The following GPC6 variants were observed in gnomAD, a reference collection of about 807,000 sequenced individuals.
GPC6 encodes the protein glypican-6.
Under a neutral mutation model 55.2 loss-of-function variants are expected in GPC6, and 14 were observed. The ratio of observed to expected loss-of-function variants is 0.25; its 90% CI spans 0.17 to 0.40. The LOEUF (loss-of-function observed/expected upper bound fraction) is 0.40, where lower values mean the gene tolerates loss of function less well. Ranked by LOEUF, GPC6 falls within the 10% of genes least tolerant of loss-of-function variation. GPC6 has a pLI of 1.00. For missense variants in GPC6, 641 were observed against 708.5 expected (o/e 0.90, Z 1.08); for synonymous variants, 278 against 259.6 (o/e 1.07, Z -0.68).
At chr13:93,682,177 G>A (rs1232944797) in intron 2 of GPC6, among the ~76,000 whole-genome samples, 1 of 152,166 alleles carries the variant, frequency 6.6e-6, no homozygotes, top group Admixed American at 6.5e-5. Flanking sequence ...TTCCCAGGAA[G>A]CAGACTTAAG....
intron 4 of GPC6, among the ~76,000 whole-genome samples, chr13:94,202,059 A>G (rs1040188624): frequency 2.0e-5 from 3 of 152,198 alleles, no homozygotes; most frequent in Non-Finnish European, 4.4e-5. Context: ...CTCCCCTGGC[A>G]TTTATGTATT....
chr13:93,773,645 G>A (rs1030139120), intron 2 of GPC6, among the ~76,000 whole-genome samples: 2 of 152,110 alleles, frequency 1.3e-5, no homozygotes, highest in East Asian at 1.9e-4. Context: ...TCTCACCTAC[G>A]TTTCACGGGT....
intron 4 of GPC6, among the ~76,000 whole-genome samples, chr13:94,138,123 A>G (rs1887249527): frequency 6.6e-6 from 1 of 152,336 alleles, no homozygotes; most frequent in South Asian, 2.1e-4. Flanking sequence ...CCAAAATCTG[A>G]AACATTTTGA....
chr13:93,786,780 G>T (rs1212973082), intron 2 of GPC6, among the ~76,000 whole-genome samples: 1 of 152,058 alleles, frequency 6.6e-6, no homozygotes, highest in Non-Finnish European at 1.5e-5. Context: ...ATATGCAGAA[G>T]AAGAAGAGGT....
intron 4 of GPC6, among the ~76,000 whole-genome samples, chr13:94,078,612 C>A (rs1386955089): frequency 1.3e-5 from 2 of 151,792 alleles, no homozygotes; most frequent in Admixed American, 6.6e-5. Context: ...CTACTGTGAA[C>A]AATTACACAC....
chr13:93,808,016 A>G (rs929325930), intron 2 of GPC6, among the ~76,000 whole-genome samples: 3 of 152,198 alleles, frequency 2.0e-5, no homozygotes, highest in Admixed American at 6.5e-5. Flanking sequence ...GACTTAGACA[A>G]CATTGTACTT....
At chr13:93,456,890 A>G (rs907968837) in intron 1 of GPC6, among the ~76,000 whole-genome samples, 55 of 152,248 alleles carry the variant, frequency 3.6e-4, no homozygotes, top group Middle Eastern at 3.4e-3. Context: ...CTCACCTTGA[A>G]TTGTAATAAT....
At chr13:93,612,358 G>T (rs1186277570) in intron 2 of GPC6, among the ~76,000 whole-genome samples, 1 of 152,062 alleles carries the variant, frequency 6.6e-6, no homozygotes, top group East Asian at 1.9e-4. Flanking sequence ...AATTAGCCGA[G>T]CATGGTGGCA....
intron 1 of GPC6, among the ~76,000 whole-genome samples, chr13:93,472,409 G>A (rs1157987361): frequency 6.6e-6 from 1 of 152,172 alleles, no homozygotes; most frequent in African/African-American, 2.4e-5. Context: ...GGGTGTGTGA[G>A]CAAGTGTGGG....
intron 3 of GPC6, among the ~76,000 whole-genome samples, chr13:93,906,473 A>G (rs1200484621): frequency 1.3e-5 from 2 of 152,164 alleles, no homozygotes; most frequent in African/African-American, 2.4e-5. Context: ...ATGTTACCCA[A>G]TGGTCCAAAA....
At chr13:93,825,860 C>CTT (rs1029574657) in intron 2 of GPC6, among the ~76,000 whole-genome samples, 1,341 of 124,142 alleles carry the variant, frequency 0.011, 57 homozygotes, top group African/African-American at 0.037. Flanking sequence ...TTATTATTTT[C>CTT]TTTTTTTTTT....
intron 3 of GPC6, among the ~76,000 whole-genome samples, chr13:93,839,465 G>T (rs1887872040): frequency 6.6e-6 from 1 of 152,116 alleles, no homozygotes; most frequent in Non-Finnish European, 1.5e-5. Context: ...ATCAGGTCAT[G>T]ATATATTGGT....
At chr13:93,562,484 C>G (rs1247479228) in intron 2 of GPC6, among the ~76,000 whole-genome samples, 2 of 152,094 alleles carry the variant, frequency 1.3e-5, no homozygotes, top group Non-Finnish European at 2.9e-5. Context: ...TCCAGTTTCT[C>G]TATCTCAAAA....
chr13:94,311,216 C>T (rs991699195), intron 6 of GPC6, among the ~76,000 whole-genome samples: 6 of 151,310 alleles, frequency 4.0e-5, no homozygotes, highest in African/African-American at 1.5e-4. Flanking sequence ...ATGCTAATAA[C>T]ACTTTTTTTT....
chr13:93,749,610 G>A (rs889641336), intron 2 of GPC6, among the ~76,000 whole-genome samples: 5 of 151,726 alleles, frequency 3.3e-5, no homozygotes, highest in Non-Finnish European at 7.4e-5. Flanking sequence ...CTTAAAAATT[G>A]CAATAAATAT....
At chr13:93,700,200 T>C (rs952456646) in intron 2 of GPC6, among the ~76,000 whole-genome samples, 1 of 152,104 alleles carries the variant, frequency 6.6e-6, no homozygotes, top group Admixed American at 6.6e-5. Context: ...AGTTTCTGTG[T>C]TTTATACTGA....
chr13:93,283,590 C>T (rs948291502), intron 1 of GPC6, among the ~76,000 whole-genome samples: 1 of 152,046 alleles, frequency 6.6e-6, no homozygotes, highest in Non-Finnish European at 1.5e-5. Context: ...TGGCAAAGAA[C>T]AAAACACCCA....
At chr13:94,146,902 G>C (rs1212721344) in intron 4 of GPC6, among the ~76,000 whole-genome samples, 1 of 152,100 alleles carries the variant, frequency 6.6e-6, no homozygotes. Context: ...TAAAGAAATA[G>C]GTTTATATAT....
rs565213226 is a variant in GPC6 at position 93,427,674 on chromosome 13, T to C, written c.161-117589T>C. ...ATATCCTCTTCATCTTATTTATGAA[T>C]GAACCAAGGCTTAGGGAGCCTTCAA... On this transcript the variant is annotated intron_variant, in intron 1 of 8. Transcript: ENST00000377047. Among the ~76,000 whole-genome samples the C allele has an allele frequency of 5.1e-4, 78 of 152,302 alleles. 1 individual carries two copies. The South Asian group carries it at 0.016, about 30-fold the overall frequency.
Sources: allele counts gnomAD v4.1 joint callset (sites outside exome capture counted in the v4.1 genomes callset), GRCh38; gene constraint gnomAD v4.1.1; transcripts MANE v1.5; gene names NCBI Gene and HGNC (gene_info 2026-07-23, HGNC 2026-07-21).